The following NTN4 variants were observed in gnomAD, a reference collection of about 807,000 sequenced individuals.
NTN4 encodes netrin 4.
Under a neutral mutation model 73.6 loss-of-function variants are expected in NTN4, and 32 were observed. The observed-to-expected ratio is 0.44, with a 90% confidence interval of 0.33 to 0.58. The LOEUF is 0.58. Among genes scored for constraint, NTN4 ranks in the 20% least tolerant of loss-of-function variants. The probability of loss-of-function intolerance (pLI) is 0.04; values close to 1 mark genes in which losing one functional copy is unlikely to be tolerated. For missense variants in NTN4, 654 were observed against 798.3 expected, an observed-to-expected ratio of 0.82 and a Z score of 2.18; for synonymous variants, 258 against 287.5, an observed-to-expected ratio of 0.90 and a Z score of 1.04.
In NTN4 at chr12:95,787,271, G is replaced by T. The variant is rs778732654; in HGVS notation, c.253C>A (p.Pro85Thr). The stretch of plus-strand genomic sequence containing the variant: ...GCAGATGGCAGGTGAGCCAGGTGAG[G>T]ATAGGCAGCATTGCACTTGTCACAT... ...PKCDKCNAAY[P>T]HLAHLPSAMA... Residue 85 changes from proline to threonine, a missense_variant, in exon 2 of 10, where the codon CCT becomes ACT. Coordinates refer to ENST00000343702, the MANE Select transcript of NTN4 (RefSeq NM_021229.4). 7 of 1,614,218 alleles carry T rather than the reference G, an allele frequency of 4.3e-6. No individual in the cohort carries two copies. Among genetic ancestry groups the T allele is most frequent in the Non-Finnish European group, 5.9e-6 (7 of 1,180,048 alleles).
At chr12:95,734,274 A>G (rs1376988954) in intron 3 of NTN4, among the ~76,000 whole-genome samples, 1 of 152,116 alleles carries the variant, frequency 6.6e-6, no homozygotes, top group African/African-American at 2.4e-5. Context: ...TTAGCCACAG[A>G]CGAACTGGCA....
At chr12:95,719,056 T>G (rs905245172) in intron 3 of NTN4, among the ~76,000 whole-genome samples, 4 of 152,190 alleles carry the variant, frequency 2.6e-5, no homozygotes, top group African/African-American at 4.8e-5. Flanking sequence ...GCTTCCCAAT[T>G]GCTTTCCAAG....
intron 5 of NTN4, among the ~76,000 whole-genome samples, chr12:95,707,972 G>A (rs973170347): frequency 3.9e-5 from 6 of 152,016 alleles, no homozygotes; most frequent in Non-Finnish European, 7.4e-5. Context: ...GGATACACAC[G>A]TATATATATC....
chr12:95,677,130 G>A (rs2078279467), intron 7 of NTN4, among the ~76,000 whole-genome samples: 1 of 152,020 alleles, frequency 6.6e-6, no homozygotes. Context: ...CAGCTACTTG[G>A]GAGGCTGAGA....
At position 95,744,058 on chromosome 12, in the gene NTN4, C is replaced by T. The variant is rs149559496; in HGVS notation, c.586-5914G>A. ...TTGGGATTACAGGCTCCTGCCACCA[C>T]GCCCGGCTAATTTTTGCATTTTTAG... On this transcript the variant is annotated intron_variant, in intron 2 of 9. Coordinates refer to ENST00000343702, the MANE Select transcript of NTN4 (RefSeq NM_021229.4). 1.5e-3 allele frequency among the ~76,000 whole-genome samples: 229 copies of T among 152,144 alleles called. 1 individual carries two copies. The highest frequency in any genetic ancestry group is 5.3e-3 in the African/African-American group (219 of 41,496).
chr12:95,741,640 A>AT (rs60422501), intron 2 of NTN4, among the ~76,000 whole-genome samples: 60,757 of 144,464 alleles, frequency 0.42, 13,185 homozygotes, highest in Non-Finnish European at 0.49. Context: ...TATATATATA[A>AT]AAATTATATA....
At chr12:95,718,189 A>G (rs1024751507) in intron 3 of NTN4, among the ~76,000 whole-genome samples, 1 of 152,212 alleles carries the variant, frequency 6.6e-6, no homozygotes, top group Non-Finnish European at 1.5e-5. Flanking sequence ...GGCAAGAGAC[A>G]TAAGAATTTA....
chr12:95,735,903 ATT>A (rs772154084), intron 3 of NTN4, among the ~76,000 whole-genome samples: 14 of 141,376 alleles, frequency 9.9e-5, no homozygotes, highest in African/African-American at 3.8e-4. Context: ...TTTTTTTTAA[ATT>A]TTTATTTATT....
At chr12:95,689,061 G>C (rs2078383352) in intron 5 of NTN4, among the ~76,000 whole-genome samples, 1 of 152,050 alleles carries the variant, frequency 6.6e-6, no homozygotes, top group African/African-American at 2.4e-5. Context: ...TCTAACATCT[G>C]TGCAACCTTC....
chr12:95,670,086 T>C lies in NTN4; in HGVS notation c.1571A>G (p.Tyr524Cys). The C allele has an allele frequency of 6.3e-7, 1 of 1,587,936 alleles. No homozygotes were observed. The highest frequency in any genetic ancestry group is 8.6e-7 in the Non-Finnish European group (1 of 1,163,112). Reference sequence around the variant, plus strand: ...AAGGATTTCAGACTCACCATATGAATATTTCATTCCACAGAATGCCTTGGC... The same window carrying C: ...AAGGATTTCAGACTCACCATATGAACATTTCATTCCACAGAATGCCTTGGC... ...GNAKAFCGMKYSYVLKIKILS... is the reference protein window; with the variant it reads ...GNAKAFCGMKCSYVLKIKILS... Residue 524 changes from tyrosine to cysteine, a missense_variant, in exon 8 of 10, where the codon TAT becomes TGT. Physicochemically the swap from Tyr to Cys is radical, Grantham distance 194. Coordinates refer to ENST00000343702, the MANE Select transcript of NTN4 (RefSeq NM_021229.4).
chr12:95,732,527 C>T (rs909257968), intron 3 of NTN4, among the ~76,000 whole-genome samples: 11 of 151,654 alleles, frequency 7.3e-5, no homozygotes, highest in South Asian at 2.1e-4. Context: ...CCCCAATCTC[C>T]GGAGTATCTG....
chr12:95,685,149 C>T (rs1308118450), intron 5 of NTN4, among the ~76,000 whole-genome samples: 1 of 152,106 alleles, frequency 6.6e-6, no homozygotes, highest in African/African-American at 2.4e-5. Flanking sequence ...TGATTACAGG[C>T]GTGAGCCACT....
At chr12:95,746,408 C>T (rs1161544400) in intron 2 of NTN4, among the ~76,000 whole-genome samples, 1 of 151,952 alleles carries the variant, frequency 6.6e-6, no homozygotes, top group Non-Finnish European at 1.5e-5. Flanking sequence ...CCTTTCTAAA[C>T]CAAAGTATAA....
chr12:95,760,650 G>A (rs981814303), intron 2 of NTN4, among the ~76,000 whole-genome samples: 2 of 147,768 alleles, frequency 1.4e-5, no homozygotes, highest in Non-Finnish European at 3.0e-5. Context: ...TGTGCTGCCT[G>A]TTGCCAATGT....
At position 95,741,438 on chromosome 12, in the gene NTN4, TATATATATATATATATATATATATATA is replaced by T. The variant is rs2078824365; in HGVS notation, c.586-3321_586-3295del. ...AAATTATGTATAAATTATATATATA[TATATATATATATATATATATATATATA>T]TATATATATCTCCTCCATGCCAACC... On this transcript the variant is annotated intron_variant, in intron 2 of 9. Coordinates refer to ENST00000343702, the MANE Select transcript of NTN4 (RefSeq NM_021229.4). 5.9e-5 allele frequency among the ~76,000 whole-genome samples: 6 copies of T among 101,064 alleles called. 1 individual carries two copies. The Admixed American group carries it at 6.1e-4, about 10-fold the overall frequency. 66.3% of individuals were successfully genotyped at this position (101,064 alleles called of 152,430 possible). A position where few individuals can be genotyped will look rare whatever the true frequency, so the allele number is the denominator to read the frequency against.
intron 3 of NTN4, among the ~76,000 whole-genome samples, chr12:95,725,856 A>C (rs1340527779): frequency 3.3e-5 from 5 of 152,190 alleles, no homozygotes; most frequent in Non-Finnish European, 7.4e-5. Flanking sequence ...TAGAAACTCT[A>C]TCAGAATACA....
chr12:95,740,957 A>G (rs2078819154), intron 2 of NTN4, among the ~76,000 whole-genome samples: 1 of 152,186 alleles, frequency 6.6e-6, no homozygotes, highest in South Asian at 2.1e-4. Flanking sequence ...CTGTGTTTCA[A>G]CAAGCCTTCC....
At chr12:95,673,871 CACTG>C (rs1238375015) in intron 7 of NTN4, 1 of 152,256 alleles carries the variant, frequency 6.6e-6, no homozygotes, top group Non-Finnish European at 1.5e-5. Flanking sequence ...GTGTGTCTTT[CACTG>C]ACTGATTTCT....
rs796878391 is a variant in NTN4 at position 95,790,049 on chromosome 12, G to GC, written c.55+205dup. On this transcript the variant is annotated intron_variant, in intron 1 of 9. Transcript: ENST00000343702. The surrounding 1 kb of genome is among the most constrained non-coding windows in gnomAD (Gnocchi z 6.5). Reference sequence around the variant, plus strand: ...ACCCAGGATAGCTGGTTATCCAAGCGCATGTGTATCCCAGTTGTAAAAATA... The same window carrying GC: ...ACCCAGGATAGCTGGTTATCCAAGCGCCATGTGTATCCCAGTTGTAAAAATA... 6 of 452,760 alleles carry GC rather than the reference G, an allele frequency of 1.3e-5. No individual in the cohort carries two copies. Among genetic ancestry groups the GC allele is most frequent in the African/African-American group, 8.2e-5 (4 of 48,930 alleles). The allele number at this position is 452,760 out of a possible 1,614,324, so 28.0% of individuals were successfully genotyped here. A position where few individuals can be genotyped will look rare whatever the true frequency, so the allele number is the denominator to read the frequency against.
Sources: gnomAD v4.1 joint callset for allele counts (sites outside exome capture counted in the v4.1 genomes callset) on GRCh38, gnomAD v4.1.1 for gene constraint, Gnocchi (gnomAD v3.1) non-coding constraint, MANE v1.5 for transcripts, NCBI Gene and HGNC (gene_info 2026-07-23, HGNC 2026-07-21) for gene names.